The following CENATAC variants were observed in gnomAD, a reference collection of about 807,000 sequenced individuals.
CENATAC encodes centrosomal AT-AC splicing factor.
CENATAC carries 53 observed loss-of-function variants against 53.7 expected under a neutral mutation model. The observed-to-expected ratio is 0.99, with a 90% confidence interval of 0.79 to 1.24. The LOEUF (loss-of-function observed/expected upper bound fraction) is 1.24, where lower values mean the gene tolerates loss of function less well. Among genes scored for constraint, CENATAC ranks in the 50% most tolerant of loss-of-function variants. The pLI is 0.00. For missense variants in CENATAC, 474 were observed against 417.8 expected (o/e 1.13, Z -1.17); for synonymous variants, 156 against 144.6 (o/e 1.08, Z -0.57).
intron 3 of CENATAC, among the ~76,000 whole-genome samples, chr11:119,006,497 A>C (rs996949091): frequency 6.6e-6 from 1 of 151,822 alleles, no homozygotes; most frequent in South Asian, 2.1e-4. Context: ...CGGCCTCCCA[A>C]AGTCTGGGAT....
chr11:119,000,585 GTC>G (rs900089923), intron 3 of CENATAC, among the ~76,000 whole-genome samples: 4 of 151,544 alleles, frequency 2.6e-5, no homozygotes, highest in African/African-American at 9.7e-5. Context: ...GCAAAACCCT[GTC>G]TCTACTAAAA....
At chr11:118,999,878 C>A (rs1001923389) in intron 3 of CENATAC, among the ~76,000 whole-genome samples, 1 of 152,022 alleles carries the variant, frequency 6.6e-6, no homozygotes, top group African/African-American at 2.4e-5. Flanking sequence ...TCCTGACCTC[C>A]TGATCCGCCC....
At chr11:119,010,596 T>C (rs529948582) in intron 3 of CENATAC, 168 bp from the exon 4 acceptor site, 3 of 607,266 alleles carry the variant, frequency 4.9e-6, no homozygotes, top group East Asian at 5.5e-5. Flanking sequence ...GGAGCCAGTA[T>C]GGCAAAATGT....
intron 3 of CENATAC, among the ~76,000 whole-genome samples, chr11:119,006,610 C>A (rs549384170): frequency 6.6e-6 from 1 of 152,312 alleles, no homozygotes; most frequent in East Asian, 1.9e-4. Flanking sequence ...ACCTCGTGAT[C>A]CACCCGCCTC....
In CENATAC at chr11:119,011,860, G is replaced by T; in HGVS notation, c.514-79G>T. 4 of 1,207,716 alleles carry T rather than the reference G, an allele frequency of 3.3e-6. No individual in the cohort carries two copies. The Admixed American group carries it at 7.3e-5, about 22-fold the overall frequency. The allele number at this position is 1,207,716 out of a possible 1,614,324, so 74.8% of individuals were successfully genotyped here. A position where few individuals can be genotyped will look rare whatever the true frequency, so the allele number is the denominator to read the frequency against. ...AATTTGTTTCCTTCCTGTGATACTG[G>T]GGTCTGGAGGGTGGAGGCATGGCCT... On this transcript the variant is annotated intron_variant, in intron 5 of 10. Transcript: ENST00000334418.
At chr11:119,007,442 A>G (rs534873491) in intron 3 of CENATAC, among the ~76,000 whole-genome samples, 3 of 152,148 alleles carry the variant, frequency 2.0e-5, no homozygotes, top group Admixed American at 2.0e-4. Flanking sequence ...TCGGCCTCCC[A>G]AAGTGCTGGG....
At chr11:119,005,435 C>A in intron 3 of CENATAC, among the ~76,000 whole-genome samples, 1 of 150,738 alleles carries the variant, frequency 6.6e-6, no homozygotes, top group South Asian at 2.1e-4. Context: ...CACTGCACTC[C>A]AGCCTGGCGA....
chr11:119,009,139 ATTATTT>A (rs1942749145), intron 3 of CENATAC, among the ~76,000 whole-genome samples: 1 of 151,986 alleles, frequency 6.6e-6, no homozygotes, highest in African/African-American at 2.4e-5. Flanking sequence ...ACAACTTATT[ATTATTT>A]TTGAGACAGA....
intron 4 of CENATAC, 91 bp from the exon 5 acceptor site, chr11:119,011,130 C>T (rs1277869137): frequency 4.5e-6 from 5 of 1,122,002 alleles, no homozygotes; most frequent in Admixed American, 1.9e-5. Context: ...TGGTCCACGC[C>T]TGGGGGTGGA....
At chr11:118,998,352 C>T in intron 1 of CENATAC, 35 bp downstream of exon 1, 1 of 1,610,608 alleles carries the variant, frequency 6.2e-7, no homozygotes, top group South Asian at 1.1e-5. Flanking sequence ...GATGGGAGTG[C>T]GGGGCAGGTC....
intron 5 of CENATAC, 96 bp downstream of exon 5, chr11:119,011,379 TC>T: frequency 7.1e-6 from 8 of 1,129,040 alleles, no homozygotes; most frequent in East Asian, 2.6e-5. Flanking sequence ...TTCTTCTTCT[TC>T]TTTTTTTTTT....
At chr11:118,998,344 T>C (rs1162312584) in intron 1 of CENATAC, 27 bp downstream of exon 1, 3 of 1,611,266 alleles carry the variant, frequency 1.9e-6, no homozygotes, top group African/African-American at 2.7e-5. Context: ...AGAGATGGGA[T>C]GGGAGTGCGG....
At chr11:119,001,018 C>T (rs1942269258) in intron 3 of CENATAC, among the ~76,000 whole-genome samples, 1 of 152,170 alleles carries the variant, frequency 6.6e-6, no homozygotes, top group African/African-American at 2.4e-5. Context: ...CTTGTAATGT[C>T]ATGACTTTTC....
At chr11:119,006,980 T>C (rs1367687385) in intron 3 of CENATAC, among the ~76,000 whole-genome samples, 2 of 152,312 alleles carry the variant, frequency 1.3e-5, no homozygotes, top group East Asian at 1.9e-4. Flanking sequence ...CACATGGAAC[T>C]GTGTGAGTCT....
chr11:119,002,117 G>A (rs910948200), intron 3 of CENATAC, among the ~76,000 whole-genome samples: 12 of 149,492 alleles, frequency 8.0e-5, no homozygotes, highest in East Asian at 2.0e-4. Flanking sequence ...CCAGCTACTC[G>A]GGAGGGTGAG....
intron 4 of CENATAC, 124 bp downstream of exon 4, chr11:119,010,954 A>C (rs1033260726): frequency 1.0e-5 from 8 of 798,118 alleles, no homozygotes; most frequent in Non-Finnish European, 1.2e-5. Flanking sequence ...ACCTCAGATC[A>C]TCAGGCACTA....
chr11:119,012,296 C>A (rs944047707), intron 7 of CENATAC, 42 bp downstream of exon 7: 1 of 1,604,924 alleles, frequency 6.2e-7, no homozygotes, highest in South Asian at 1.1e-5. Context: ...AATGGTCCCT[C>A]AGGTCTCAGG....
intron 3 of CENATAC, 104 bp downstream of exon 3, chr11:118,999,213 G>A (rs1942167643): frequency 2.5e-6 from 2 of 803,788 alleles, no homozygotes; most frequent in Admixed American, 2.3e-5. Flanking sequence ...AGGGACTTAC[G>A]AAGAATCTGC....
intron 2 of CENATAC, 51 bp downstream of exon 2, chr11:118,998,644 G>T: frequency 6.5e-7 from 1 of 1,535,912 alleles, no homozygotes; most frequent in Admixed American, 2.1e-5. Flanking sequence ...ACATATACGG[G>T]AGGAGGGTTT....
Sources: allele counts gnomAD v4.1 joint callset (sites outside exome capture counted in the v4.1 genomes callset), GRCh38; gene constraint gnomAD v4.1.1; transcripts MANE v1.5; gene names NCBI Gene and HGNC (gene_info 2026-07-23, HGNC 2026-07-21).